Variants in TMEM164 observed in about 807,000 individuals in gnomAD.
TMEM164 encodes the protein transmembrane protein 164.
A neutral mutation model predicts 18.8 loss-of-function variants in TMEM164; 4 were observed. The observed-to-expected ratio is 0.21, with a 90% CI of 0.10 to 0.49. The LOEUF (loss-of-function observed/expected upper bound fraction) is 0.49. Ranked by LOEUF, TMEM164 falls within the 20% of genes least tolerant of loss-of-function variation. The pLI is 0.98. For synonymous variants in TMEM164, 86 were observed against 101.7 expected (o/e 0.85, Z 0.93); for missense variants, 108 against 239.9 (o/e 0.45, Z 3.63).
chrX:110,015,981 C>A (rs568335293), intron 2 of TMEM164, among the ~76,000 whole-genome samples: 4 of 112,478 alleles, frequency 3.6e-5, no homozygotes, highest in African/African-American at 1.3e-4. Context: ...GGGGTATTGT[C>A]TTGGTCATCG....
chrX:110,099,608 T>C (rs2066079272), intron 3 of TMEM164, among the ~76,000 whole-genome samples: 1 of 112,700 alleles, frequency 8.9e-6, no homozygotes, highest in African/African-American at 3.2e-5. Flanking sequence ...TTTCGGTTGC[T>C]TTAACTTTGT....
intron 2 of TMEM164, among the ~76,000 whole-genome samples, chrX:110,036,028 AC>A (rs1183062710): frequency 3.6e-5 from 4 of 111,454 alleles, no homozygotes; most frequent in African/African-American, 1.3e-4. Flanking sequence ...AGATATTGTC[AC>A]TAAAGCAAAA....
At chrX:110,044,833 T>C (rs1014862070) in intron 2 of TMEM164, among the ~76,000 whole-genome samples, 10 of 109,413 alleles carry the variant, frequency 9.1e-5, no homozygotes, top group Non-Finnish European at 1.7e-4. Flanking sequence ...AAGTGCCTAA[T>C]GACTCCATCA....
At chrX:110,115,459 T>C in intron 4 of TMEM164, among the ~76,000 whole-genome samples, 1 of 111,811 alleles carries the variant, frequency 8.9e-6, no homozygotes, top group Middle Eastern at 4.6e-3. Context: ...ATGAATGCAT[T>C]GTGTCTGAGG....
At chrX:110,071,582 C>CA (rs2065589436) in intron 3 of TMEM164, among the ~76,000 whole-genome samples, 1 of 106,479 alleles carries the variant, frequency 9.4e-6, no homozygotes, top group Non-Finnish European at 1.9e-5. Flanking sequence ...TTTTTTTCTT[C>CA]AAGTTTAAGG....
intron 4 of TMEM164, among the ~76,000 whole-genome samples, chrX:110,131,141 A>G (rs1382822971): frequency 8.9e-6 from 1 of 111,954 alleles, no homozygotes; most frequent in African/African-American, 3.2e-5. Flanking sequence ...AGCCTGCCTC[A>G]CAAATGACTG....
intron 4 of TMEM164, among the ~76,000 whole-genome samples, chrX:110,127,903 G>A (rs751636023): frequency 7.1e-5 from 8 of 112,255 alleles, no homozygotes; most frequent in Non-Finnish European, 9.4e-5. Context: ...TGCACTCATG[G>A]TCCTTATAAA....
downstream of TMEM164, among the ~76,000 whole-genome samples, chrX:110,178,097 C>T (rs942539668): frequency 8.9e-6 from 1 of 112,383 alleles, no homozygotes; most frequent in Non-Finnish European, 1.9e-5. Context: ...CTGGAGAAGG[C>T]AAACACATTC....
At chrX:110,029,696 G>A (rs979074048) in intron 2 of TMEM164, among the ~76,000 whole-genome samples, 6 of 111,852 alleles carry the variant, frequency 5.4e-5, no homozygotes, top group Non-Finnish European at 1.1e-4. Flanking sequence ...TCACATATGG[G>A]TGGGAATGGA....
chrX:110,086,821 G>A (rs1220739616), intron 3 of TMEM164, among the ~76,000 whole-genome samples: 4 of 110,482 alleles, frequency 3.6e-5, no homozygotes, highest in African/African-American at 1.3e-4. Context: ...CAGTAGGACA[G>A]TGACTCTGTT....
At chrX:110,127,146 A>T (rs937671404) in intron 4 of TMEM164, among the ~76,000 whole-genome samples, 1 of 110,854 alleles carries the variant, frequency 9.0e-6, no homozygotes, top group Admixed American at 9.6e-5. Flanking sequence ...CTGTTGGCAG[A>T]TGCATGGTGA....
At chrX:110,051,594 AAAGAAAGAAAG>A (rs1935562141) in intron 2 of TMEM164, among the ~76,000 whole-genome samples, 1 of 38,781 alleles carries the variant, frequency 2.6e-5, no homozygotes. Flanking sequence ...AAAAAAAAAA[AAAGAAAGAAAG>A]AAAGAAAGAA....
At chrX:110,159,882 G>A (rs368686960) in intron 5 of TMEM164, among the ~76,000 whole-genome samples, 7 of 111,733 alleles carry the variant, frequency 6.3e-5, no homozygotes, top group African/African-American at 2.3e-4. Flanking sequence ...TCCTTAGGGT[G>A]AGGAGGTGAA....
Position 110,176,330 on chromosome X carries a change from A to G in TMEM164, c.*2879A>G. 2 of 756,054 alleles carry G rather than the reference A, an allele frequency of 2.6e-6. No individual in the cohort carries two copies. The highest frequency in any genetic ancestry group is 3.1e-6 in the Non-Finnish European group (2 of 639,478). The allele number at this position is 756,054 out of a possible 1,213,427, so 62.3% of individuals were successfully genotyped here. On this transcript the variant is annotated 3_prime_UTR_variant, in exon 7 of 7. Coordinates refer to ENST00000372068, the MANE Select transcript of TMEM164 (RefSeq NM_032227.4). ...CTGCCCTCAGTATTTGGTTTTGTAC[A>G]CCAAAGATGATCTGGCCCATCTTCC...
At chrX:110,012,851 A>G (rs1176676262) in intron 2 of TMEM164, among the ~76,000 whole-genome samples, 1 of 111,605 alleles carries the variant, frequency 9.0e-6, no homozygotes, top group Non-Finnish European at 1.9e-5. Context: ...GGTTTGGGGG[A>G]TCTCTTGATT....
At chrX:110,035,639 G>T (rs955129061) in intron 2 of TMEM164, among the ~76,000 whole-genome samples, 1 of 110,503 alleles carries the variant, frequency 9.0e-6, no homozygotes, top group African/African-American at 3.3e-5. Context: ...AAGTAGCTGG[G>T]ACTACAGGCT....
chrX:110,144,699 TG>T, intron 4 of TMEM164, 98 bp from the exon 5 acceptor site: 1 of 553,982 alleles, frequency 1.8e-6, no homozygotes, highest in Non-Finnish European at 2.9e-6. Context: ...ATGGGATTGC[TG>T]AAATATGGGT....
chrX:110,075,301 T>G (rs2065655185), intron 3 of TMEM164, among the ~76,000 whole-genome samples: 2 of 111,984 alleles, frequency 1.8e-5, no homozygotes, highest in Admixed American at 9.5e-5. Flanking sequence ...TTTTTTTATA[T>G]GATTTTGTAT....
At chrX:110,085,751 T>G (rs940534453) in intron 3 of TMEM164, among the ~76,000 whole-genome samples, 9 of 111,812 alleles carry the variant, frequency 8.0e-5, no homozygotes, top group African/African-American at 2.9e-4. Context: ...TGTGAAACAG[T>G]ACAGCCTCCC....
Sources: gnomAD v4.1 joint callset for allele counts (sites outside exome capture counted in the v4.1 genomes callset) on GRCh38, gnomAD v4.1.1 for gene constraint, MANE v1.5 for transcripts, NCBI Gene and HGNC (gene_info 2026-07-23, HGNC 2026-07-21) for gene names.